MYO1B: variants seen among roughly 807,000 people sequenced by gnomAD.
MYO1B encodes unconventional myosin-Ib.
In MYO1B, 72 loss-of-function variants were observed where a neutral mutation model predicts 159.7. The observed-to-expected ratio is 0.45, with a 90% CI of 0.37 to 0.55. MYO1B has a LOEUF of 0.55. Ranked by LOEUF, MYO1B falls within the 20% of genes least tolerant of loss-of-function variation. The pLI is 0.00. For synonymous variants in MYO1B, 468 were observed against 473.8 expected, an observed-to-expected ratio of 0.99 and a Z score of 0.16; for missense variants, 1,062 against 1,364.8, an observed-to-expected ratio of 0.78 and a Z score of 3.50.
intron 5 of MYO1B, 39 bp downstream of exon 5, chr2:191,341,604 A>G: frequency 6.6e-7 from 1 of 1,505,834 alleles, no homozygotes; most frequent in Non-Finnish European, 9.2e-7. Flanking sequence ...TGTGACTCAA[A>G]CAGTAGATTG....
chr2:191,261,359 A>T (rs1487453005), intron 1 of MYO1B, among the ~76,000 whole-genome samples: 1 of 152,164 alleles, frequency 6.6e-6, no homozygotes, highest in African/African-American at 2.4e-5. Context: ...AGTGGCTGAG[A>T]TAAGTAAAAA....
chr2:191,296,257 C>A (rs1039887280), intron 3 of MYO1B, 31 bp downstream of exon 3: 1 of 1,350,960 alleles, frequency 7.4e-7, no homozygotes, highest in African/African-American at 1.4e-5. Flanking sequence ...TTAAGTTTCT[C>A]TTTTACTCCA....
intron 2 of MYO1B, among the ~76,000 whole-genome samples, chr2:191,287,310 C>T (rs1008091167): frequency 1.3e-5 from 2 of 151,946 alleles, no homozygotes; most frequent in Non-Finnish European, 2.9e-5. Context: ...GGCGGATCAC[C>T]CGAGGTCAGG....
chr2:191,350,080 C>T (rs1692814234), intron 6 of MYO1B, 82 bp from the exon 7 acceptor site: 3 of 1,086,560 alleles, frequency 2.8e-6, no homozygotes, highest in Non-Finnish European at 2.8e-6. Flanking sequence ...AAAATAAGGG[C>T]TTAGTCTGCT....
intron 3 of MYO1B, among the ~76,000 whole-genome samples, chr2:191,306,236 G>A (rs10931496): frequency 0.92 from 139,535 of 152,138 alleles, 65,160 homozygotes; most frequent in Non-Finnish European, 1. Flanking sequence ...TCATCGTCTA[G>A]GGGTAAGAGG....
intron 1 of MYO1B, among the ~76,000 whole-genome samples, chr2:191,266,578 T>C (rs754256032): frequency 1.3e-5 from 2 of 152,194 alleles, no homozygotes; most frequent in Non-Finnish European, 2.9e-5. Flanking sequence ...GTATATGTAA[T>C]AGAATAGGTG....
At chr2:191,315,185 A>C (rs1690269365) in intron 3 of MYO1B, among the ~76,000 whole-genome samples, 1 of 151,688 alleles carries the variant, frequency 6.6e-6, no homozygotes, top group Non-Finnish European at 1.5e-5. Context: ...CCATCCATCC[A>C]TCCATCCACC....
At position 191,381,516 on chromosome 2, in the gene MYO1B, A is replaced by G; in HGVS notation, c.1240A>G (p.Ile414Val). ...INYCNEKLQQ[I>V]FIELTLKEEQ... ...TTATTGTAACGAAAAGCTGCAACAAATCTTCATTGAACTTACTCTTAAAGA... is the reference window on the plus strand; with the variant it reads ...TTATTGTAACGAAAAGCTGCAACAAGTCTTCATTGAACTTACTCTTAAAGA... Residue 414 changes from isoleucine to valine, a missense_variant, in exon 14 of 31, where the codon ATC (isoleucine) becomes GTC (valine). By Grantham distance (29) the Ile-to-Val change is conservative. Transcript: ENST00000392318. The G allele has an allele frequency of 3.7e-6, 6 of 1,613,680 alleles. No individual in the cohort carries two copies. Among genetic ancestry groups the G allele is most frequent in the Admixed American group, 1.7e-5 (1 of 60,000 alleles).
intron 7 of MYO1B, 23 bp from the exon 8 acceptor site, chr2:191,360,608 T>C: frequency 1.4e-6 from 2 of 1,478,386 alleles, no homozygotes; most frequent in Non-Finnish European, 1.9e-6. Flanking sequence ...AATGCCATAC[T>C]ATGATTTAAC....
chr2:191,301,585 A>G (rs948865281), intron 3 of MYO1B, among the ~76,000 whole-genome samples: 10 of 152,256 alleles, frequency 6.6e-5, no homozygotes, highest in South Asian at 2.1e-4. Context: ...TATAAGGTGT[A>G]TATTAAATAT....
At chr2:191,395,381 A>G (rs970340480) in intron 20 of MYO1B, among the ~76,000 whole-genome samples, 2 of 152,104 alleles carry the variant, frequency 1.3e-5, no homozygotes, top group African/African-American at 4.8e-5. Flanking sequence ...CTGCCCATCT[A>G]TTGATACCAT....
chr2:191,381,238 A>G (rs948448690), intron 13 of MYO1B: 3 of 573,538 alleles, frequency 5.2e-6, no homozygotes, highest in African/African-American at 3.7e-5. Flanking sequence ...TCATCCTTCA[A>G]ATATTGCATC....
intron 1 of MYO1B, among the ~76,000 whole-genome samples, chr2:191,270,621 T>A (rs187700240): frequency 7.8e-4 from 119 of 152,280 alleles, no homozygotes; most frequent in African/African-American, 2.7e-3. Flanking sequence ...GGAAGGAAAT[T>A]CCAGTTTTTC....
chr2:191,353,321 A>C (rs943125026), intron 7 of MYO1B, among the ~76,000 whole-genome samples: 2 of 152,174 alleles, frequency 1.3e-5, no homozygotes, highest in African/African-American at 4.8e-5. Context: ...AGTGTTATGA[A>C]CTGGAAGCTT....
intron 7 of MYO1B, among the ~76,000 whole-genome samples, chr2:191,359,656 C>A (rs1449926474): frequency 1.3e-5 from 2 of 152,126 alleles, no homozygotes; most frequent in Admixed American, 1.3e-4. Context: ...AATGATCGTT[C>A]CTAGATTAAA....
chr2:191,362,182 G>T, intron 8 of MYO1B, 86 bp from the exon 9 acceptor site: 1 of 962,416 alleles, frequency 1.0e-6, no homozygotes, highest in Non-Finnish European at 1.6e-6. Context: ...CCATGTTACC[G>T]ATGTGAACAA....
At chr2:191,306,306 G>T (rs969554144) in intron 3 of MYO1B, among the ~76,000 whole-genome samples, 1 of 152,168 alleles carries the variant, frequency 6.6e-6, no homozygotes, top group African/African-American at 2.4e-5. Context: ...AGATGCAAAG[G>T]TCTGAAGGGG....
At chr2:191,375,787 C>T (rs938852987) in intron 13 of MYO1B, among the ~76,000 whole-genome samples, 9 of 151,764 alleles carry the variant, frequency 5.9e-5, no homozygotes, top group African/African-American at 1.7e-4. Context: ...GGTGAAACCC[C>T]GTCTCTACTA....
rs767722482 is a variant in MYO1B, at chr2:191,387,418, A to G, written c.1749A>G (p.Lys583=). 2 of 1,614,198 alleles carry G rather than the reference A, an allele frequency of 1.2e-6. No homozygotes were observed. The highest frequency in any genetic ancestry group is 1.6e-4 in the Middle Eastern group (1 of 6,062). The change falls in exon 17 of 31, where the codon AAA becomes AAG. Residue 583 remains lysine (K), a synonymous_variant. Transcript: ENST00000392318. ...QFKASVATLM[K]NLQTKNPNYI... Reference sequence around the variant, plus strand: ...AGGCATCCGTGGCCACTCTGATGAAAAACCTACAGACCAAGAACCCAAACT... The same window carrying G: ...AGGCATCCGTGGCCACTCTGATGAAGAACCTACAGACCAAGAACCCAAACT...
Sources: allele counts gnomAD v4.1 joint callset (sites outside exome capture counted in the v4.1 genomes callset), GRCh38; gene constraint gnomAD v4.1.1; transcripts MANE v1.5; gene names NCBI Gene and HGNC (gene_info 2026-07-23, HGNC 2026-07-21).